The following ZNF469 variants were observed in gnomAD, a reference collection of about 807,000 sequenced individuals.
ZNF469 encodes the protein zinc finger protein 469.
ZNF469 carries 1 observed loss-of-function variant against 1.0 expected under a neutral mutation model. That is an observed-to-expected ratio of 1.00 (90% CI 0.35 to 4.73). The LOEUF (loss-of-function observed/expected upper bound fraction) is 4.73, where lower values mean the gene tolerates loss of function less well. ZNF469 is among the 30% of genes most tolerant of loss of function. The probability of loss-of-function intolerance (pLI) is 0.16; values close to 1 mark genes in which losing one functional copy is unlikely to be tolerated. For missense variants in ZNF469, 6,100 were observed against 5,356.3 expected, an observed-to-expected ratio of 1.14 and a Z score of -4.33; for synonymous variants, 2,703 against 2,363.4, an observed-to-expected ratio of 1.14 and a Z score of -4.17.
Position 88,428,322 on chromosome 16 carries a change from C to T in ZNF469, c.852C>T (p.Ser284=), listed in dbSNP as rs1305156513. ...QFPFPALHGA[S]TKPFPADVAG... ...CCTTCCCGGCACTGCATGGGGCCAG[C>T]ACAAAACCCTTCCCTGCGGATGTGG... Residue 284 remains serine (S), a synonymous_variant, in exon 3 of 3, where the codon AGC becomes AGT. Coordinates refer to ENST00000565624, the MANE Select transcript of ZNF469 (RefSeq NM_001367624.2). 6.5e-7 allele frequency: 1 copy of T among 1,550,172 alleles called. No individual in the cohort carries two copies.
chr16:88,293,333 G>T, the ZNF469 span, among the ~76,000 whole-genome samples: 1 of 151,804 alleles, frequency 6.6e-6, no homozygotes, highest in Admixed American at 6.6e-5. Flanking sequence ...TGGATGGATG[G>T]ATGGATGGAT....
At chr16:88,365,208 G>T in the ZNF469 span, among the ~76,000 whole-genome samples, 1 of 152,190 alleles carries the variant, frequency 6.6e-6, no homozygotes, top group Non-Finnish European at 1.5e-5. Context: ...CTGTCTGCAG[G>T]ATGGAAGCTA....
At chr16:88,118,741 A>G in the ZNF469 span, among the ~76,000 whole-genome samples, 1 of 152,270 alleles carries the variant, frequency 6.6e-6, no homozygotes, top group African/African-American at 2.4e-5. Flanking sequence ...CAAATACAGA[A>G]TACATACATG....
At chr16:88,199,326 C>A in the ZNF469 span, among the ~76,000 whole-genome samples, 5 of 152,218 alleles carry the variant, frequency 3.3e-5, no homozygotes, top group African/African-American at 2.4e-5. Context: ...ACTTTCAGTA[C>A]CAAAAGGGTG....
chr16:88,349,311 C>T, the ZNF469 span, among the ~76,000 whole-genome samples: 1 of 152,072 alleles, frequency 6.6e-6, no homozygotes, highest in African/African-American at 2.4e-5. Flanking sequence ...ACACCACACA[C>T]GCTGCATGGG....
Position 88,415,943 on chromosome 16 carries a change from C to A in ZNF469, c.-191-8864C>A, listed in dbSNP as rs116784779. Among the ~76,000 whole-genome samples, 312 of 152,368 alleles carry A rather than the reference C, an allele frequency of 2.0e-3. 2 individuals carry two copies. The highest frequency in any genetic ancestry group is 7.1e-3 in the African/African-American group (297 of 41,586). On this transcript the variant is annotated intron_variant, in intron 1 of 2. Coordinates refer to ENST00000565624, the MANE Select transcript of ZNF469 (RefSeq NM_001367624.2). ...CCTCCCAGGACGACTCGCTTCCCAGCGCTGCAGAGCCAGAGTGCGGACACC... is the reference window on the plus strand; with the variant it reads ...CCTCCCAGGACGACTCGCTTCCCAGAGCTGCAGAGCCAGAGTGCGGACACC...
chr16:88,279,379 A>G, the ZNF469 span, among the ~76,000 whole-genome samples: 2 of 150,314 alleles, frequency 1.3e-5, no homozygotes, highest in Admixed American at 1.3e-4. Flanking sequence ...CTCAGTCAGT[A>G]CCTTGTAGAT....
the ZNF469 span, among the ~76,000 whole-genome samples, chr16:88,213,147 G>A: frequency 9.9e-5 from 15 of 151,876 alleles, no homozygotes; most frequent in African/African-American, 3.6e-4. Flanking sequence ...GGCCCAGGCT[G>A]GAGTGCAGTG....
the ZNF469 span, among the ~76,000 whole-genome samples, chr16:88,170,529 T>C: frequency 6.6e-6 from 1 of 152,212 alleles, no homozygotes; most frequent in Non-Finnish European, 1.5e-5. This position sits in a 1 kb window ranked among gnomAD's most constrained non-coding sequence, Gnocchi z 4.2. Context: ...AGTGAGATCG[T>C]GCAGTGTTTG....
chr16:88,376,332 C>T, the ZNF469 span, among the ~76,000 whole-genome samples: 74 of 152,242 alleles, frequency 4.9e-4, 1 homozygote, highest in African/African-American at 1.5e-3. Flanking sequence ...ATTCGGACTG[C>T]GGACGTCTGA....
At chr16:88,161,651 C>G in the ZNF469 span, among the ~76,000 whole-genome samples, 1 of 152,068 alleles carries the variant, frequency 6.6e-6, no homozygotes, top group South Asian at 2.1e-4. Context: ...TTTATTCGGA[C>G]TTCACTAGAA....
the ZNF469 span, among the ~76,000 whole-genome samples, chr16:88,317,268 C>T: frequency 5.3e-5 from 8 of 152,356 alleles, no homozygotes; most frequent in South Asian, 1.5e-3. Flanking sequence ...ATGCCAAAGC[C>T]TACTTCAGAC....
At chr16:88,267,110 C>A in the ZNF469 span, among the ~76,000 whole-genome samples, 3 of 152,056 alleles carry the variant, frequency 2.0e-5, no homozygotes, top group East Asian at 1.9e-4. Flanking sequence ...CTTCTCCCTG[C>A]GGCTCACACT....
the ZNF469 span, among the ~76,000 whole-genome samples, chr16:88,256,885 C>A: frequency 2.6e-4 from 27 of 103,714 alleles, no homozygotes; most frequent in Non-Finnish European, 5.6e-4. Flanking sequence ...CTTTTCTTTT[C>A]TTTTCTTTCC....
In ZNF469 at chr16:88,383,035, C is replaced by A. The variant is rs1309827317; in HGVS notation, c.-411C>A. 6.6e-6 allele frequency among the ~76,000 whole-genome samples: 1 copy of A among 151,786 alleles called. No individual in the cohort carries two copies. The highest frequency in any genetic ancestry group is 1.5e-5 in the Non-Finnish European group (1 of 67,914). On this transcript the variant is annotated 5_prime_UTR_variant, in exon 1 of 3. Transcript: ENST00000565624. The stretch of plus-strand genomic sequence containing the variant: ...GCTGGAGCTGGCTGCAGGGCTGGCC[C>A]GCGGCGACCTGGGCAGGGTGGCGGC...
At chr16:88,128,611 C>T in the ZNF469 span, among the ~76,000 whole-genome samples, 1 of 152,190 alleles carries the variant, frequency 6.6e-6, no homozygotes, top group Non-Finnish European at 1.5e-5. Context: ...GACAAGAGAC[C>T]CCCTCCCGCA....
the ZNF469 span, among the ~76,000 whole-genome samples, chr16:88,107,830 T>G: frequency 6.6e-6 from 1 of 152,220 alleles, no homozygotes; most frequent in South Asian, 2.1e-4. Context: ...ACTGTAGCCC[T>G]TGGCTTTGTC....
the ZNF469 span, among the ~76,000 whole-genome samples, chr16:88,341,598 G>A: frequency 1.3e-5 from 2 of 152,222 alleles, no homozygotes; most frequent in African/African-American, 4.8e-5. Context: ...ACTCCCGCAC[G>A]GCTCACAGCT....
chr16:88,300,457 C>A, the ZNF469 span, among the ~76,000 whole-genome samples: 1 of 152,046 alleles, frequency 6.6e-6, no homozygotes, highest in Non-Finnish European at 1.5e-5. Context: ...GGTGCAGCAT[C>A]CCCCAGGGCC....
Sources: allele counts gnomAD v4.1 joint callset (sites outside exome capture counted in the v4.1 genomes callset), GRCh38; gene constraint gnomAD v4.1.1; non-coding constraint Gnocchi (gnomAD v3.1); transcripts MANE v1.5; gene names NCBI Gene and HGNC (gene_info 2026-07-23, HGNC 2026-07-21).